Variants in CNTNAP2 observed in about 807,000 individuals in gnomAD.
CNTNAP2 encodes the protein contactin associated protein 2.
A neutral mutation model predicts 155.2 loss-of-function variants in CNTNAP2; 98 were observed. The observed-to-expected ratio is 0.63, with a 90% CI of 0.54 to 0.75. The LOEUF (loss-of-function observed/expected upper bound fraction) is 0.75, where lower values mean the gene tolerates loss of function less well. CNTNAP2 is among the 30% of genes least tolerant of loss of function. The pLI, the probability that CNTNAP2 is intolerant of heterozygous loss-of-function variation, is 0.00. For missense variants in CNTNAP2, 1,727 were observed against 1,688.1 expected (o/e 1.02, Z -0.40); for synonymous variants, 651 against 631.2 (o/e 1.03, Z -0.47).
chr7:147,080,000 T>A (rs79930232), intron 4 of CNTNAP2, among the ~76,000 whole-genome samples: 1 of 13,268 alleles, frequency 7.5e-5, no homozygotes. Context: ...AGCCTAGTCC[T>A]TTTTTTTTTT....
At chr7:148,228,788 A>T (rs1012779360) in intron 19 of CNTNAP2, among the ~76,000 whole-genome samples, 33 of 148,388 alleles carry the variant, frequency 2.2e-4, no homozygotes, top group African/African-American at 7.9e-4. Context: ...AGATCGCGCC[A>T]CTGCACTCCA....
intron 9 of CNTNAP2, among the ~76,000 whole-genome samples, chr7:147,393,143 G>T (rs1157871917): frequency 2.0e-5 from 3 of 152,080 alleles, no homozygotes; most frequent in Middle Eastern, 3.4e-3. Flanking sequence ...GTGAAGTCAG[G>T]AGCCAAAGAT....
At chr7:147,709,321 A>T (rs1012231128) in intron 13 of CNTNAP2, among the ~76,000 whole-genome samples, 1 of 152,164 alleles carries the variant, frequency 6.6e-6, no homozygotes, top group Non-Finnish European at 1.5e-5. Context: ...CCAATCCCGC[A>T]TCTTACTTTT....
At chr7:146,718,344 A>G (rs1465074992) in intron 1 of CNTNAP2, among the ~76,000 whole-genome samples, 2 of 152,156 alleles carry the variant, frequency 1.3e-5, no homozygotes, top group African/African-American at 2.4e-5. Context: ...AAGTTTCTCA[A>G]AAATGAGGAC....
rs763406385 is a variant in CNTNAP2, at chr7:147,132,532, T to A, written c.1348+23T>A. The stretch of plus-strand genomic sequence containing the variant: ...CAGGTCAGTGAAACCTATTTGACAT[T>A]TGTTCCTGAAACTTATTGCAATTTC... On this transcript the variant is annotated intron_variant, in intron 8 of 23. Transcript: ENST00000361727. 4 of 1,613,178 alleles carry A rather than the reference T, an allele frequency of 2.5e-6. No individual in the cohort carries two copies. The South Asian group carries it at 3.3e-5, about 13-fold the overall frequency.
chr7:147,313,956 T>G (rs865999124), intron 9 of CNTNAP2, among the ~76,000 whole-genome samples: 1 of 151,736 alleles, frequency 6.6e-6, no homozygotes, highest in African/African-American at 2.4e-5. Context: ...GGGTTTGTAG[T>G]TCTCCTTGAA....
chr7:147,982,503 G>A (rs984390706), intron 15 of CNTNAP2, among the ~76,000 whole-genome samples: 1 of 152,186 alleles, frequency 6.6e-6, no homozygotes, highest in Non-Finnish European at 1.5e-5. Flanking sequence ...GACAAGGAAG[G>A]AAAGGCAAGG....
chr7:146,311,607 C>CAAAAAAAAAAAAAAAAAA (rs71175646), intron 1 of CNTNAP2: 1 of 38,934 alleles, frequency 2.6e-5, no homozygotes, highest in Non-Finnish European at 5.9e-5. Context: ...CTTGTCTTTA[C>CAAAAAAAAAAAAAAAAAA]AAAAAAAAAA....
At chr7:147,001,592 C>G (rs1798423739) in intron 3 of CNTNAP2, among the ~76,000 whole-genome samples, 1 of 151,814 alleles carries the variant, frequency 6.6e-6, no homozygotes, top group African/African-American at 2.4e-5. Context: ...AACACAAATG[C>G]CTTCTAAACA....
At chr7:146,788,907 T>A in intron 2 of CNTNAP2, among the ~76,000 whole-genome samples, 1 of 152,184 alleles carries the variant, frequency 6.6e-6, no homozygotes, top group East Asian at 1.9e-4. Context: ...TGTAGACTTA[T>A]TTTTCTGACC....
At chr7:148,206,931 G>A (rs1168917698) in intron 18 of CNTNAP2, among the ~76,000 whole-genome samples, 1 of 151,976 alleles carries the variant, frequency 6.6e-6, no homozygotes, top group Non-Finnish European at 1.5e-5. Flanking sequence ...GGCATCCCAC[G>A]CCCCACCCAC....
intron 1 of CNTNAP2, among the ~76,000 whole-genome samples, chr7:146,462,194 C>CAG (rs1796647246): frequency 2.0e-5 from 3 of 152,132 alleles, no homozygotes; most frequent in African/African-American, 7.2e-5. Context: ...ATTAATACTT[C>CAG]TTGGTGTGTA....
At chr7:147,219,236 G>A (rs868691791) in intron 8 of CNTNAP2, among the ~76,000 whole-genome samples, 2 of 152,198 alleles carry the variant, frequency 1.3e-5, no homozygotes, top group South Asian at 2.1e-4. Flanking sequence ...TATATGAAGG[G>A]GAGTTTATTA....
chr7:147,719,705 A>C (rs1796535429), intron 13 of CNTNAP2, among the ~76,000 whole-genome samples: 1 of 152,112 alleles, frequency 6.6e-6, no homozygotes. Flanking sequence ...TATTTGAATA[A>C]TATTAAAAAC....
intron 11 of CNTNAP2, among the ~76,000 whole-genome samples, chr7:147,530,954 A>G (rs898277366): frequency 1.3e-5 from 2 of 152,140 alleles, no homozygotes; most frequent in Admixed American, 6.5e-5. Context: ...TCCAAAGGGG[A>G]GAAATTGGCC....
chr7:147,156,992 A>G (rs1801938046), intron 8 of CNTNAP2, among the ~76,000 whole-genome samples: 1 of 152,120 alleles, frequency 6.6e-6, no homozygotes, highest in Non-Finnish European at 1.5e-5. Flanking sequence ...TTAAAAATCC[A>G]GAAAGGTCAG....
At chr7:147,482,880 T>G (rs1288221665) in intron 10 of CNTNAP2, among the ~76,000 whole-genome samples, 1 of 151,650 alleles carries the variant, frequency 6.6e-6, no homozygotes, top group Admixed American at 6.6e-5. Context: ...ACCCTGTCTC[T>G]AATAAAAATA....
chr7:146,483,328 T>TATATGC (rs1459820598), intron 1 of CNTNAP2, among the ~76,000 whole-genome samples: 2 of 81,556 alleles, frequency 2.5e-5, no homozygotes, highest in African/African-American at 1.3e-4. Flanking sequence ...TATATATATA[T>TATATGC]ACATATATAT....
intron 12 of CNTNAP2, among the ~76,000 whole-genome samples, chr7:147,616,322 A>G (rs1801292721): frequency 6.6e-6 from 1 of 152,162 alleles, no homozygotes; most frequent in Admixed American, 6.5e-5. Flanking sequence ...ATGAGCCACA[A>G]TTACAACTAA....
Sources: allele counts gnomAD v4.1 joint callset (sites outside exome capture counted in the v4.1 genomes callset), GRCh38; gene constraint gnomAD v4.1.1; transcripts MANE v1.5; gene names NCBI Gene and HGNC (gene_info 2026-07-23, HGNC 2026-07-21).